Variants in UTP11 observed in about 807,000 individuals in gnomAD.
The protein encoded by UTP11 is probable U3 small nucleolar RNA-associated protein 11.
A neutral mutation model predicts 39.0 loss-of-function variants in UTP11; 29 were observed. The observed-to-expected ratio is 0.74, with a 90% CI of 0.55 to 1.01. UTP11 has a LOEUF of 1.01. Ranked by LOEUF, UTP11 falls within the 50% of genes least tolerant of loss-of-function variation. The pLI is 0.00. For missense variants in UTP11, 281 were observed against 306.0 expected (o/e 0.92, Z 0.61); for synonymous variants, 111 against 105.0 (o/e 1.06, Z -0.35).
At chr1:38,016,447 G>C in intron 2 of UTP11, 27 bp downstream of exon 2, 5 of 1,612,482 alleles carry the variant, frequency 3.1e-6, no homozygotes, top group Non-Finnish European at 4.2e-6. Context: ...TGGTAGAGGC[G>C]CTGCCAAGAA....
At chr1:38,012,978 C>T (rs1646686846) in intron 1 of UTP11, 113 bp downstream of exon 1, 4 of 1,270,430 alleles carry the variant, frequency 3.1e-6, no homozygotes, top group Non-Finnish European at 4.5e-6. Flanking sequence ...TATAAATGCA[C>T]GTAAATGTAT....
At chr1:38,020,976 C>T (rs1017423557) in intron 6 of UTP11, among the ~76,000 whole-genome samples, 3 of 151,108 alleles carry the variant, frequency 2.0e-5, no homozygotes, top group Non-Finnish European at 2.9e-5. Context: ...GGCTGGAGTG[C>T]GGTGGCGTGA....
In UTP11 at chr1:38,023,867, G is replaced by T; in HGVS notation, c.*239G>T. 1 of 310,866 alleles carries T rather than the reference G, an allele frequency of 3.2e-6. No individual in the cohort carries two copies. Among genetic ancestry groups the T allele is most frequent in the Non-Finnish European group, 5.8e-6 (1 of 171,266 alleles). 19.3% of individuals were successfully genotyped at this position (310,866 alleles called of 1,614,324 possible). A position where few individuals can be genotyped will look rare whatever the true frequency, so the allele number is the denominator to read the frequency against. On this transcript the variant is annotated 3_prime_UTR_variant, in exon 8 of 8. Coordinates refer to ENST00000373014, the MANE Select transcript of UTP11 (RefSeq NM_016037.4). ...CTTAATTTTTTTTTTCTTTGAGATAGGGTCTTTGTTGCCAGGCTGGAAGTG... is the reference window on the plus strand; with the variant it reads ...CTTAATTTTTTTTTTCTTTGAGATATGGTCTTTGTTGCCAGGCTGGAAGTG...
In UTP11 at chr1:38,020,275, A is replaced by AT. The variant is rs536822001; in HGVS notation, c.567+900dup. Among the ~76,000 whole-genome samples the AT allele has an allele frequency of 5.9e-3, 890 of 151,280 alleles. 30 individuals carry two copies. Among genetic ancestry groups the AT allele is most frequent in the Admixed American group, 0.052 (795 of 15,170 alleles). On this transcript the variant is annotated intron_variant, in intron 6 of 7. Coordinates refer to ENST00000373014, the MANE Select transcript of UTP11 (RefSeq NM_016037.4). ...TGCCACCATGCCTAGCTAATTTTAA[A>AT]TTTTTTTTGTAGAAACGGGGTCTCG...
rs1451393562 is a variant in UTP11 at position 38,019,091 on chromosome 1, G to A, written c.375G>A (p.Leu125=). 1 of 1,613,666 alleles carries A rather than the reference G, an allele frequency of 6.2e-7. No homozygotes were observed. The highest frequency in any genetic ancestry group is 8.5e-7 in the Non-Finnish European group (1 of 1,179,960). The part of the protein sequence containing the change: ...KIERLKSELH[L]LDFQGKQQNK... Reference sequence around the variant, plus strand: ...AAAGACTAAAATCAGAGCTCCATCTGCTGGATTTCCAGGGGAAGCAACAGA... The same window carrying A: ...AAAGACTAAAATCAGAGCTCCATCTACTGGATTTCCAGGGGAAGCAACAGA... Residue 125 remains leucine (L), a synonymous_variant, in exon 5 of 8, where the codon CTG becomes CTA. Coordinates refer to ENST00000373014, the MANE Select transcript of UTP11 (RefSeq NM_016037.4).
intron 6 of UTP11, 69 bp from the exon 7 acceptor site, chr1:38,022,630 A>G: frequency 9.2e-7 from 1 of 1,082,774 alleles, no homozygotes; most frequent in Non-Finnish European, 1.4e-6. Flanking sequence ...TAAATGGATT[A>G]AGAAACAGTT....
chr1:38,023,329 TCTC>T (rs1646748691), intron 7 of UTP11, among the ~76,000 whole-genome samples: 1 of 152,208 alleles, frequency 6.6e-6, no homozygotes, highest in South Asian at 2.1e-4. Context: ...ACACCTTTCT[TCTC>T]AGTTTTCCTA....
Position 38,024,221 on chromosome 1 carries a change from A to G in UTP11, c.*593A>G, listed in dbSNP as rs559623346. 1 of 152,368 alleles carries G rather than the reference A, an allele frequency of 6.6e-6. No individual in the cohort carries two copies. The highest frequency in any genetic ancestry group is 1.9e-4 in the East Asian group (1 of 5,192). The allele number at this position is 152,368 out of a possible 1,614,324, so 9.4% of individuals were successfully genotyped here. A position where few individuals can be genotyped will look rare whatever the true frequency, so the allele number is the denominator to read the frequency against. ...TAATTCATTCCTAATCCCAGTGCTT[A>G]TTCAATAATAACAAATATTTATTGC... is the stretch of plus-strand genomic sequence containing the variant. On this transcript the variant is annotated 3_prime_UTR_variant, in exon 8 of 8. Coordinates refer to ENST00000373014, the MANE Select transcript of UTP11 (RefSeq NM_016037.4).
chr1:38,013,452 C>A (rs937620587), intron 1 of UTP11, among the ~76,000 whole-genome samples: 16 of 152,160 alleles, frequency 1.1e-4, no homozygotes, highest in Admixed American at 2.0e-4. Context: ...CAGATTCAGG[C>A]AGAGTAAACA....
rs1646699114 is a variant in UTP11, at chr1:38,014,827, A to G, written c.64-1532A>G. On this transcript the variant is annotated intron_variant, in intron 1 of 7. Transcript: ENST00000373014. ...ATTTTATTTTATTTTTTTAATTTGT[A>G]GAGATGAGGTCTCACTGTGTTGCCC... 2.0e-5 allele frequency among the ~76,000 whole-genome samples: 3 copies of G among 152,068 alleles called. No homozygotes were observed. The South Asian group carries it at 6.2e-4, about 32-fold the overall frequency.
chr1:38,016,493 T>C, intron 2 of UTP11, 73 bp downstream of exon 2: 1 of 1,488,162 alleles, frequency 6.7e-7, no homozygotes. Flanking sequence ...CTGAATTGCC[T>C]GAGTGTCCAA....
chr1:38,015,746 A>G (rs1433854417), intron 1 of UTP11, among the ~76,000 whole-genome samples: 1 of 152,208 alleles, frequency 6.6e-6, no homozygotes, highest in Non-Finnish European at 1.5e-5. Flanking sequence ...TACCACAAGT[A>G]TAATAATAAT....
Position 38,023,618 on chromosome 1 carries a change from G to A in UTP11, c.752G>A (p.Arg251Gln), listed in dbSNP as rs749827666. Residue 251 changes from arginine to glutamine, a missense_variant, in exon 8 of 8, where the codon CGA (arginine) becomes CAA (glutamine). Arg to Gln is a conservative substitution (Grantham distance 43). Coordinates refer to ENST00000373014, the MANE Select transcript of UTP11 (RefSeq NM_016037.4). ...GCTATTTATAAATTTCAGAGTCGTC[G>A]AAAACGTTGACGTGTTATAGATAAG... is the stretch of plus-strand genomic sequence containing the variant. Reference protein sequence around the residue: ...SPAIYKFQSRRKR With the variant: ...SPAIYKFQSRQKR 2.5e-6 allele frequency: 4 copies of A among 1,609,454 alleles called. No homozygotes were observed. The highest frequency in any genetic ancestry group is 1.7e-5 in the Admixed American group (1 of 59,140).
At chr1:38,020,809 G>A (rs902208080) in intron 6 of UTP11, among the ~76,000 whole-genome samples, 2 of 152,202 alleles carry the variant, frequency 1.3e-5, no homozygotes, top group Admixed American at 6.5e-5. Context: ...GCTAGAATCT[G>A]TGAATTGTTG....
chr1:38,020,419 T>C lies in UTP11; in HGVS notation c.567+1036T>C, dbSNP rs542997952. 2.4e-4 allele frequency among the ~76,000 whole-genome samples: 37 copies of C among 152,316 alleles called. No homozygotes were observed. The South Asian group carries it at 7.7e-3, about 32-fold the overall frequency. On this transcript the variant is annotated intron_variant, in intron 6 of 7. Transcript: ENST00000373014. ...ATGCCTGCCCAAAAGGTCTTTCATA[T>C]TGTGTATTGTAACAAAAATTTTGTT... is the stretch of plus-strand genomic sequence containing the variant.
Position 38,024,666 on chromosome 1 carries a change from CA to C in UTP11, c.*1041del, listed in dbSNP as rs1407657071. On this transcript the variant is annotated 3_prime_UTR_variant, in exon 8 of 8. Transcript: ENST00000373014. ...TCATGATCCACCCGCCTCGGCCTCC[CA>C]AAGTGCTGGGATTACAGGCGTGAGC... 6.6e-6 allele frequency: 1 copy of C among 152,122 alleles called. No homozygotes were observed. The highest frequency in any genetic ancestry group is 1.9e-4 in the East Asian group (1 of 5,196). The allele number at this position is 152,122 out of a possible 1,614,324, so 9.4% of individuals were successfully genotyped here.
rs879059133 is a variant in UTP11 at position 38,017,784 on chromosome 1, G to A, written c.228+14G>A. On this transcript the variant is annotated intron_variant, in intron 3 of 7. Coordinates refer to ENST00000373014, the MANE Select transcript of UTP11 (RefSeq NM_016037.4). ...GTTAAACTCCAGGTGGGTGCCCAAT[G>A]GCTTGGTTGGTGTTTTGAGCTCCAC... 1.9e-6 allele frequency: 3 copies of A among 1,593,510 alleles called. No individual in the cohort carries two copies. The South Asian group carries it at 3.4e-5, about 18-fold the overall frequency.
At position 38,012,780 on chromosome 1, in the gene UTP11, A is replaced by G. The variant is rs745479572; in HGVS notation, c.-23A>G. 8.1e-6 allele frequency: 13 copies of G among 1,613,990 alleles called. No homozygotes were observed. ...AGTGCGGATCCGGCGTTCTCCACTG[A>G]TCTTTTCCAAGGCTGTACAGACATG... is the stretch of plus-strand genomic sequence containing the variant. On this transcript the variant is annotated 5_prime_UTR_variant, in exon 1 of 8. Transcript: ENST00000373014.
chr1:38,015,156 G>C lies in UTP11; in HGVS notation c.64-1203G>C, dbSNP rs374922439. 3.2e-4 allele frequency among the ~76,000 whole-genome samples: 48 copies of C among 152,216 alleles called. No homozygotes were observed. The East Asian group carries it at 9.1e-3, about 29-fold the overall frequency. The stretch of plus-strand genomic sequence containing the variant: ...TCCCAGCTCAGCCTCTTGAGTAGCT[G>C]GGATTACAGGCACCTGCCATCATGC... On this transcript the variant is annotated intron_variant, in intron 1 of 7. Transcript: ENST00000373014.
Sources: gnomAD v4.1 joint callset for allele counts (sites outside exome capture counted in the v4.1 genomes callset) on GRCh38, gnomAD v4.1.1 for gene constraint, MANE v1.5 for transcripts, NCBI Gene and HGNC (gene_info 2026-07-23, HGNC 2026-07-21) for gene names.